DCX: variants seen among roughly 807,000 people sequenced by gnomAD.
The protein encoded by DCX is doublecortin.
A neutral mutation model predicts 20.9 loss-of-function variants in DCX; 4 were observed. The observed-to-expected ratio is 0.19, with a 90% CI of 0.09 to 0.44. The LOEUF (loss-of-function observed/expected upper bound fraction) is 0.44, where lower values mean the gene tolerates loss of function less well. DCX is among the 20% of genes least tolerant of loss of function. DCX has a pLI of 0.99. For synonymous variants in DCX, 103 were observed against 111.4 expected (o/e 0.92, Z 0.47); for missense variants, 133 against 296.9 (o/e 0.45, Z 4.06).
At chrX:111,306,022 C>A (rs184175795) in intron 6 of DCX, among the ~76,000 whole-genome samples, 2 of 110,612 alleles carry the variant, frequency 1.8e-5, no homozygotes, top group Admixed American at 1.9e-4. Context: ...AAGTAATGAA[C>A]GAAAAATGAT....
intron 3 of DCX, among the ~76,000 whole-genome samples, chrX:111,360,707 A>G (rs1455401424): frequency 1.2e-4 from 13 of 111,420 alleles, no homozygotes; most frequent in Non-Finnish European, 7.5e-5. Context: ...CATGTACCCC[A>G]TAAATATATA....
intron 6 of DCX, among the ~76,000 whole-genome samples, chrX:111,312,219 G>T (rs2095059289): frequency 1.8e-5 from 2 of 111,928 alleles, no homozygotes; most frequent in South Asian, 7.5e-4. Context: ...AATCTAAATG[G>T]AGTAAGTAAC....
intron 5 of DCX, among the ~76,000 whole-genome samples, chrX:111,321,508 C>G (rs1391869294): frequency 9.0e-6 from 1 of 111,594 alleles, no homozygotes; most frequent in Non-Finnish European, 1.9e-5. Flanking sequence ...GCTGACTTAT[C>G]TAGATTTACA....
intron 3 of DCX, among the ~76,000 whole-genome samples, chrX:111,373,383 CA>C: frequency 8.9e-6 from 1 of 112,173 alleles, no homozygotes; most frequent in East Asian, 2.8e-4. Context: ...TATTGATCAT[CA>C]ATAACTGGCT....
intron 6 of DCX, among the ~76,000 whole-genome samples, chrX:111,309,125 T>C (rs767252176): frequency 2.7e-5 from 3 of 112,422 alleles, no homozygotes; most frequent in East Asian, 5.6e-4. Context: ...TTCGTGTCCA[T>C]ATTGTAACAC....
chrX:111,348,212 T>C (rs1343446212), intron 3 of DCX, among the ~76,000 whole-genome samples: 1 of 112,072 alleles, frequency 8.9e-6, no homozygotes, highest in Admixed American at 9.4e-5. Context: ...TGCAAAGGCA[T>C]TTCCTAGACA....
chrX:111,368,434 C>T (rs1205455210), intron 3 of DCX, among the ~76,000 whole-genome samples: 1 of 111,606 alleles, frequency 9.0e-6, no homozygotes, highest in African/African-American at 3.3e-5. Context: ...GCTTCCAGAA[C>T]GCGGGGGTAG....
chrX:111,333,123 C>T lies in DCX; in HGVS notation c.736G>A (p.Asp246Asn). 3.3e-6 allele frequency: 4 copies of T among 1,210,009 alleles called. No homozygotes were observed. Among genetic ancestry groups the T allele is most frequent in the Non-Finnish European group, 4.5e-6 (4 of 894,238 alleles). The change falls in exon 4 of 7, where the codon GAT (aspartate) becomes AAT (asparagine). Residue 246 changes from aspartate (D) to asparagine (N), a missense_variant. Physicochemically the swap from Asp to Asn is conservative, Grantham distance 23. This residue lies in a region of DCX where 65 missense variants were observed against 212.6 expected (regional missense o/e 0.31). Transcript: ENST00000636035. Reference protein sequence around the residue: ...VTCLHDFFGDDDVFIACGPEK... With the variant: ...VTCLHDFFGDNDVFIACGPEK... ...GGACCACAGGCAATAAACACATCAT[C>T]ATCACCAAAGAAATCATGGAGACAA...
chrX:111,411,007 G>C, intron 1 of DCX: 1 of 1,107,260 alleles, frequency 9.0e-7, no homozygotes, highest in Non-Finnish European at 1.2e-6. Flanking sequence ...ACTCTAATGT[G>C]TGCATCCCCT....
chrX:111,409,999 C>T (rs1422137995), intron 2 of DCX, 36 bp downstream of exon 2: 1 of 1,207,863 alleles, frequency 8.3e-7, no homozygotes, highest in Non-Finnish European at 1.1e-6. Context: ...ATGATGCCAC[C>T]TCCCACCAAC....
chrX:111,392,740 TGAAC>T (rs1414920623), intron 3 of DCX, among the ~76,000 whole-genome samples: 1 of 111,877 alleles, frequency 8.9e-6, no homozygotes, highest in Admixed American at 9.4e-5. Flanking sequence ...TTAAAATCAT[TGAAC>T]TGTACACTTT....
At chrX:111,400,539 C>G (rs1331232251) in intron 3 of DCX, among the ~76,000 whole-genome samples, 1 of 112,564 alleles carries the variant, frequency 8.9e-6, no homozygotes, top group East Asian at 2.8e-4. Context: ...TGACTTCTTT[C>G]AGAGCATATG....
At chrX:111,389,335 C>A (rs1303470601) in intron 3 of DCX, among the ~76,000 whole-genome samples, 1 of 111,289 alleles carries the variant, frequency 9.0e-6, no homozygotes, top group East Asian at 2.8e-4. Context: ...GCCTACCCAC[C>A]CATTTAATGC....
intron 3 of DCX, among the ~76,000 whole-genome samples, chrX:111,350,203 G>C (rs993272982): frequency 9.0e-5 from 10 of 111,100 alleles, no homozygotes; most frequent in African/African-American, 3.3e-4. Flanking sequence ...ATAAGAGTCA[G>C]CTTCCCAGGA....
chrX:111,366,105 C>A (rs764887717), intron 3 of DCX, among the ~76,000 whole-genome samples: 1 of 112,061 alleles, frequency 8.9e-6, no homozygotes, highest in East Asian at 2.8e-4. Flanking sequence ...TATATAAATC[C>A]TTATAACCTT....
At chrX:111,395,063 A>G (rs1205346855) in intron 3 of DCX, among the ~76,000 whole-genome samples, 1 of 112,117 alleles carries the variant, frequency 8.9e-6, no homozygotes, top group African/African-American at 3.2e-5. Flanking sequence ...CACATTGGCA[A>G]TCCTTAGGAG....
chrX:111,331,753 A>G (rs1921264782), intron 4 of DCX, among the ~76,000 whole-genome samples: 1 of 112,259 alleles, frequency 8.9e-6, no homozygotes, highest in Non-Finnish European at 1.9e-5. Context: ...CACCCTTTCT[A>G]TGCAGGTCAC....
chrX:111,369,720 C>T (rs1440780566), intron 3 of DCX, among the ~76,000 whole-genome samples: 1 of 111,651 alleles, frequency 9.0e-6, no homozygotes, highest in African/African-American at 3.3e-5. Context: ...CAGATTAAGC[C>T]AGTACTGCAG....
chrX:111,349,000 A>G (rs976015702), intron 3 of DCX, among the ~76,000 whole-genome samples: 2 of 111,902 alleles, frequency 1.8e-5, no homozygotes, highest in Non-Finnish European at 3.8e-5. Flanking sequence ...GTGCTGATCT[A>G]GAGCCTTTTG....
Sources: allele counts gnomAD v4.1 joint callset (sites outside exome capture counted in the v4.1 genomes callset), GRCh38; gene constraint gnomAD v4.1.1; regional missense constraint gnomAD v4.1.1; transcripts MANE v1.5; gene names NCBI Gene and HGNC (gene_info 2026-07-23, HGNC 2026-07-21).